The following PRDM5 variants were observed in gnomAD, a reference collection of about 807,000 sequenced individuals.
PRDM5 encodes the protein PR/SET domain 5.
PRDM5 carries 56 observed loss-of-function variants against 81.2 expected under a neutral mutation model. That is an observed-to-expected ratio of 0.69 (90% CI 0.56 to 0.86). PRDM5 has a LOEUF of 0.86. Among genes scored for constraint, PRDM5 ranks in the 40% least tolerant of loss-of-function variants. The pLI is 0.00. For missense variants in PRDM5, 697 were observed against 770.1 expected, an observed-to-expected ratio of 0.91 and a Z score of 1.12; for synonymous variants, 267 against 256.4, an observed-to-expected ratio of 1.04 and a Z score of -0.39.
At chr4:120,760,724 T>C (rs1745483014) in intron 13 of PRDM5, among the ~76,000 whole-genome samples, 1 of 152,060 alleles carries the variant, frequency 6.6e-6, no homozygotes, top group Admixed American at 6.6e-5. Flanking sequence ...TCCATGAAGC[T>C]AATGTATTCA....
intron 8 of PRDM5, among the ~76,000 whole-genome samples, chr4:120,802,889 T>A (rs563363694): frequency 6.6e-6 from 1 of 152,232 alleles, no homozygotes; most frequent in Non-Finnish European, 1.5e-5. Context: ...GAAGAAGGCT[T>A]CAGACGATCA....
chr4:120,910,448 C>T (rs1766384294), intron 1 of PRDM5, among the ~76,000 whole-genome samples: 2 of 151,390 alleles, frequency 1.3e-5, no homozygotes, highest in African/African-American at 4.9e-5. Context: ...CCCAATCCTT[C>T]TCTCTCTCTT....
intron 14 of PRDM5, among the ~76,000 whole-genome samples, chr4:120,719,728 T>C (rs1192310160): frequency 6.6e-6 from 1 of 152,200 alleles, no homozygotes; most frequent in Non-Finnish European, 1.5e-5. Context: ...AAATTAATAC[T>C]TGTTGAACTG....
At chr4:120,803,572 T>A (rs1482357620) in intron 8 of PRDM5, among the ~76,000 whole-genome samples, 1 of 152,102 alleles carries the variant, frequency 6.6e-6, no homozygotes, top group Non-Finnish European at 1.5e-5. Context: ...AAGAAAAGAA[T>A]TTTCAACCCA....
chr4:120,844,373 G>A (rs188417072), intron 3 of PRDM5, among the ~76,000 whole-genome samples: 3 of 152,192 alleles, frequency 2.0e-5, no homozygotes, highest in East Asian at 1.9e-4. Flanking sequence ...GAAGGACTAC[G>A]GCAACTCTAC....
At chr4:120,702,270 T>G (rs1163397066) in intron 15 of PRDM5, among the ~76,000 whole-genome samples, 1 of 152,214 alleles carries the variant, frequency 6.6e-6, no homozygotes, top group Non-Finnish European at 1.5e-5. Flanking sequence ...GTTTTGCTAC[T>G]TGTAAGGTAA....
intron 2 of PRDM5, among the ~76,000 whole-genome samples, chr4:120,904,198 A>AAAAAAAAC (rs1436246039): frequency 6.2e-5 from 9 of 145,432 alleles, no homozygotes; most frequent in African/African-American, 2.0e-4. Flanking sequence ...TCAAAAAAAA[A>AAAAAAAAC]AAAAAAACAA....
At chr4:120,815,423 T>G (rs535490135) in intron 7 of PRDM5, among the ~76,000 whole-genome samples, 2 of 152,330 alleles carry the variant, frequency 1.3e-5, no homozygotes, top group South Asian at 4.1e-4. Context: ...ACACAGAGCT[T>G]TCACCATAGG....
At chr4:120,902,221 G>T (rs4639096) in intron 2 of PRDM5, among the ~76,000 whole-genome samples, 1 of 152,126 alleles carries the variant, frequency 6.6e-6, no homozygotes, top group African/African-American at 2.4e-5. Flanking sequence ...GGTCAGAACA[G>T]GTAGCAAGGA....
At chr4:120,774,005 A>G (rs562195500) in intron 13 of PRDM5, among the ~76,000 whole-genome samples, 1 of 152,340 alleles carries the variant, frequency 6.6e-6, no homozygotes, top group South Asian at 2.1e-4. Flanking sequence ...ACTTTTAGTA[A>G]ATTAACAAGT....
chr4:120,731,709 T>C (rs1740290706), intron 14 of PRDM5: 1 of 152,130 alleles, frequency 6.6e-6, no homozygotes, highest in South Asian at 2.1e-4. Context: ...CCTGTTACCT[T>C]CTCTTGCCTC....
At chr4:120,826,234 A>C (rs1458722149) in intron 3 of PRDM5, among the ~76,000 whole-genome samples, 1 of 152,124 alleles carries the variant, frequency 6.6e-6, no homozygotes, top group East Asian at 1.9e-4. Context: ...AAACTAGTAC[A>C]CTTCTCAGAA....
At chr4:120,921,603 C>T (rs1724925280) in intron 1 of PRDM5, among the ~76,000 whole-genome samples, 1 of 152,146 alleles carries the variant, frequency 6.6e-6, no homozygotes. Flanking sequence ...CCTGAACAAG[C>T]CTGTTCTTGC....
chr4:120,908,107 C>T (rs1416706139), intron 1 of PRDM5, among the ~76,000 whole-genome samples: 15 of 152,156 alleles, frequency 9.9e-5, no homozygotes, highest in Non-Finnish European at 1.5e-5. Context: ...GCTTTGAAGC[C>T]CACATGCATG....
intron 2 of PRDM5, among the ~76,000 whole-genome samples, chr4:120,882,122 G>T (rs558614287): frequency 6.6e-6 from 1 of 152,300 alleles, no homozygotes; most frequent in Non-Finnish European, 1.5e-5. Context: ...GTGACAAGCT[G>T]CTAATAAAGT....
intron 2 of PRDM5, among the ~76,000 whole-genome samples, chr4:120,877,209 C>A (rs898420217): frequency 6.6e-6 from 1 of 152,126 alleles, no homozygotes; most frequent in Non-Finnish European, 1.5e-5. Flanking sequence ...TATATTTTTA[C>A]GGCCTTGAAT....
At chr4:120,861,915 A>C (rs965677107) in intron 2 of PRDM5, among the ~76,000 whole-genome samples, 37 of 152,344 alleles carry the variant, frequency 2.4e-4, no homozygotes, top group African/African-American at 7.5e-4. Context: ...CAGGGAGAAA[A>C]AAATTTTTTT....
intron 11 of PRDM5, among the ~76,000 whole-genome samples, chr4:120,783,732 T>C (rs1214652106): frequency 6.6e-6 from 1 of 152,154 alleles, no homozygotes; most frequent in Non-Finnish European, 1.5e-5. Context: ...AACTGGTAAG[T>C]TGTGCTAATA....
chr4:120,803,505 C>T lies in PRDM5; in HGVS notation c.946-3760G>A, dbSNP rs540696716. ...AAAGCCCATCAGACTAACAGTGGAT[C>T]TCTTGGCAGAAACTCCACAAGCCAG... On this transcript the variant is annotated intron_variant, in intron 8 of 15. Coordinates refer to ENST00000264808, the MANE Select transcript of PRDM5 (RefSeq NM_018699.4). Among the ~76,000 whole-genome samples, 521 of 152,322 alleles carry T rather than the reference C, an allele frequency of 3.4e-3. 3 individuals are homozygous for T. Among genetic ancestry groups the T allele is most frequent in the Non-Finnish European group, 4.9e-3 (335 of 68,030 alleles).
Sources: gnomAD v4.1 joint callset for allele counts (sites outside exome capture counted in the v4.1 genomes callset) on GRCh38, gnomAD v4.1.1 for gene constraint, MANE v1.5 for transcripts, NCBI Gene and HGNC (gene_info 2026-07-23, HGNC 2026-07-21) for gene names.